Variants in ZSWIM5 observed in about 807,000 individuals in gnomAD.
ZSWIM5 encodes the protein zinc finger SWIM-type containing 5, also known as zinc finger SWIM domain-containing protein 5.
A neutral mutation model predicts 119.6 loss-of-function variants in ZSWIM5; 55 were observed. That is an observed-to-expected ratio of 0.46 (90% CI 0.37 to 0.58). The LOEUF is 0.58. Among genes scored for constraint, ZSWIM5 ranks in the 20% least tolerant of loss-of-function variants. The pLI, the probability that ZSWIM5 is intolerant of heterozygous loss-of-function variation, is 0.00. For synonymous variants in ZSWIM5, 537 were observed against 606.9 expected (o/e 0.88, Z 1.69); for missense variants, 1,193 against 1,512.8 (o/e 0.79, Z 3.51).
At chr1:45,182,431 C>T (rs1646027300) in intron 1 of ZSWIM5, among the ~76,000 whole-genome samples, 1 of 147,930 alleles carries the variant, frequency 6.8e-6, no homozygotes, top group Non-Finnish European at 1.5e-5. Flanking sequence ...AACAAACAAA[C>T]AAACAAAAAG....
At chr1:45,194,972 G>A (rs1646113537) in intron 1 of ZSWIM5, among the ~76,000 whole-genome samples, 1 of 151,756 alleles carries the variant, frequency 6.6e-6, no homozygotes, top group African/African-American at 2.4e-5. Context: ...TCTTATAATT[G>A]GAATTATATT....
At chr1:45,149,542 A>C (rs1302922661) in intron 1 of ZSWIM5, among the ~76,000 whole-genome samples, 2 of 152,230 alleles carry the variant, frequency 1.3e-5, no homozygotes, top group Non-Finnish European at 2.9e-5. Flanking sequence ...GGACTGATTT[A>C]TAGCTTTTTA....
At chr1:45,174,695 G>T (rs796483496) in intron 1 of ZSWIM5, among the ~76,000 whole-genome samples, 1 of 151,782 alleles carries the variant, frequency 6.6e-6, no homozygotes, top group African/African-American at 2.4e-5. Context: ...AGCTGAGATC[G>T]CGCCACTGCA....
intron 1 of ZSWIM5, among the ~76,000 whole-genome samples, chr1:45,158,875 T>C (rs959997263): frequency 1.3e-5 from 2 of 152,180 alleles, no homozygotes; most frequent in Non-Finnish European, 2.9e-5. Context: ...TCTTTTATTC[T>C]AGCTCACTAA....
chr1:45,130,178 G>A (rs945335260), intron 1 of ZSWIM5, among the ~76,000 whole-genome samples: 9 of 152,230 alleles, frequency 5.9e-5, no homozygotes, highest in Admixed American at 5.2e-4. Context: ...GATTACAGGC[G>A]TGGGCCACCA....
At chr1:45,195,459 C>T (rs921181789) in intron 1 of ZSWIM5, among the ~76,000 whole-genome samples, 6 of 151,930 alleles carry the variant, frequency 3.9e-5, no homozygotes, top group African/African-American at 1.2e-4. Context: ...TCTTGAACTC[C>T]TGGGGTCAAG....
At chr1:45,163,584 T>C (rs901841492) in intron 1 of ZSWIM5, among the ~76,000 whole-genome samples, 4 of 152,088 alleles carry the variant, frequency 2.6e-5, no homozygotes, top group Non-Finnish European at 4.4e-5. Context: ...TGAAAAAAGA[T>C]TGGACGAATT....
At chr1:45,193,934 A>ATG (rs199946011) in intron 1 of ZSWIM5, among the ~76,000 whole-genome samples, 132 of 149,300 alleles carry the variant, frequency 8.8e-4, no homozygotes, top group African/African-American at 2.5e-3. Context: ...ATGTGTGCAT[A>ATG]TGTGTATATA....
intron 2 of ZSWIM5, among the ~76,000 whole-genome samples, chr1:45,076,647 A>C (rs1483529789): frequency 6.6e-6 from 1 of 152,084 alleles, no homozygotes; most frequent in Non-Finnish European, 1.5e-5. Context: ...ATCTTCCTCT[A>C]GGTTTGGGAA....
intron 2 of ZSWIM5, among the ~76,000 whole-genome samples, chr1:45,064,632 A>G (rs558394547): frequency 7.8e-4 from 119 of 152,304 alleles, no homozygotes; most frequent in African/African-American, 2.6e-3. Context: ...CTTGAGGGCA[A>G]AAGTTTTTGT....
At chr1:45,137,574 TGAA>T (rs972417963) in intron 1 of ZSWIM5, among the ~76,000 whole-genome samples, 7 of 151,970 alleles carry the variant, frequency 4.6e-5, no homozygotes, top group Non-Finnish European at 5.9e-5. Flanking sequence ...AGCAAAAACT[TGAA>T]GAAGATGAGG....
intron 2 of ZSWIM5, among the ~76,000 whole-genome samples, chr1:45,083,073 G>A (rs1207282224): frequency 6.6e-6 from 1 of 152,142 alleles, no homozygotes; most frequent in East Asian, 1.9e-4. Flanking sequence ...TCAAAAAGGA[G>A]GTCAGCGTAG....
chr1:45,129,848 C>G (rs536270263), intron 1 of ZSWIM5, among the ~76,000 whole-genome samples: 18 of 151,998 alleles, frequency 1.2e-4, no homozygotes, highest in Non-Finnish European at 1.9e-4. Flanking sequence ...TCTTCAGGAT[C>G]AAGGGCTAAG....
rs1645766846 is a variant in ZSWIM5 at position 45,147,161 on chromosome 1, G to A, written c.595+58595C>T. Among the ~76,000 whole-genome samples, 5 of 151,118 alleles carry A rather than the reference G, an allele frequency of 3.3e-5. No individual in the cohort carries two copies. In the South Asian group the frequency reaches 1.1e-3, roughly 32 times the overall value. ...ACAATATTGGCTCACTGCAACCTCT[G>A]CCTCTCAGGCTCAGGAGAACTCCTG... is the stretch of plus-strand genomic sequence containing the variant. On this transcript the variant is annotated intron_variant, in intron 1 of 13. Transcript: ENST00000359600.
At chr1:45,203,111 A>C (rs1019505291) in intron 1 of ZSWIM5, among the ~76,000 whole-genome samples, 7 of 152,052 alleles carry the variant, frequency 4.6e-5, no homozygotes, top group Admixed American at 4.6e-4. Context: ...TTCCCCTTTT[A>C]AAAGGAATAC....
intron 11 of ZSWIM5, among the ~76,000 whole-genome samples, chr1:45,030,110 A>G (rs1644943164): frequency 6.6e-6 from 1 of 151,954 alleles, no homozygotes; most frequent in African/African-American, 2.4e-5. Flanking sequence ...TTGTCCCGCT[A>G]GTTTTTAAAT....
At position 45,058,698 on chromosome 1, in the gene ZSWIM5, T is replaced by C; in HGVS notation, c.1163A>G (p.Glu388Gly). ...GAGTCGTGGGTCAGCCACAAACTGC[T>C]CAGTTATTAGTGTCAGCATCCTTGC... ...NGARMLTLIT[E>G]QFVADPRLTL... The change falls in exon 4 of 14, where the codon GAG becomes GGG. Residue 388 changes from glutamate (E) to glycine (G), a missense_variant. By Grantham distance (98) the Glu-to-Gly change is moderately conservative (BLOSUM62 -2). Coordinates refer to ENST00000359600, the MANE Select transcript of ZSWIM5 (RefSeq NM_020883.2). 6.2e-7 allele frequency: 1 copy of C among 1,614,192 alleles called. No individual in the cohort carries two copies. Among genetic ancestry groups the C allele is most frequent in the Non-Finnish European group, 8.5e-7 (1 of 1,180,030 alleles).
chr1:45,177,201 A>C (rs1431871725), intron 1 of ZSWIM5, among the ~76,000 whole-genome samples: 1 of 152,208 alleles, frequency 6.6e-6, no homozygotes. Context: ...TAAACACTAA[A>C]GAAAATAATA....
chr1:45,111,516 G>C (rs1181088750), intron 1 of ZSWIM5, among the ~76,000 whole-genome samples: 2 of 152,234 alleles, frequency 1.3e-5, no homozygotes, highest in African/African-American at 2.4e-5. Context: ...TTATTTTACA[G>C]TTCTGGAAGT....
Sources: gnomAD v4.1 joint callset for allele counts (sites outside exome capture counted in the v4.1 genomes callset) on GRCh38, gnomAD v4.1.1 for gene constraint, MANE v1.5 for transcripts, NCBI Gene and HGNC (gene_info 2026-07-23, HGNC 2026-07-21) for gene names.